Variants in DNAAF5 observed in about 807,000 individuals in gnomAD.
The protein encoded by DNAAF5 is dynein axonemal assembly factor 5, also known as HEAT repeat containing 2.
A neutral mutation model predicts 75.8 loss-of-function variants in DNAAF5; 64 were observed. That is an observed-to-expected ratio of 0.84 (90% CI 0.69 to 1.04). The LOEUF (loss-of-function observed/expected upper bound fraction) is 1.04, where lower values mean the gene tolerates loss of function less well. DNAAF5 is among the 50% of genes least tolerant of loss of function. DNAAF5 has a pLI of 0.00. For synonymous variants in DNAAF5, 657 were observed against 557.2 expected (o/e 1.18, Z -2.52); for missense variants, 1,269 against 1,178.5 (o/e 1.08, Z -1.12).
chr7:766,687 C>T (rs901179923), intron 8 of DNAAF5, among the ~76,000 whole-genome samples: 15 of 151,966 alleles, frequency 9.9e-5, no homozygotes, highest in African/African-American at 3.4e-4. Flanking sequence ...CATAACCGAG[C>T]AGCCTGCTCT....
chr7:749,162 G>A (rs1294735476), intron 4 of DNAAF5, among the ~76,000 whole-genome samples: 1 of 152,162 alleles, frequency 6.6e-6, no homozygotes, highest in East Asian at 1.9e-4. Flanking sequence ...CCTCAAGTCG[G>A]TCATTTCCCT....
At chr7:729,931 C>G (rs1562372296) in intron 2 of DNAAF5, 84 bp downstream of exon 2, 1 of 1,361,858 alleles carries the variant, frequency 7.3e-7, no homozygotes, top group South Asian at 1.3e-5. Context: ...CTCACTTGTT[C>G]TTTTTTCAGA....
intron 4 of DNAAF5, among the ~76,000 whole-genome samples, chr7:753,601 G>GTC (rs112033938): frequency 0.8 from 120,055 of 149,718 alleles, 48,240 homozygotes; most frequent in South Asian, 0.86. Flanking sequence ...TCACAGACGT[G>GTC]TCTCTCATCA....
intron 12 of DNAAF5, among the ~76,000 whole-genome samples, chr7:781,460 G>A (rs113089644): frequency 6.6e-6 from 1 of 151,812 alleles, no homozygotes; most frequent in Non-Finnish European, 1.5e-5. Flanking sequence ...CTTGGCTGTC[G>A]GAACAGTGGG....
At chr7:737,912 G>A (rs142380209) in intron 2 of DNAAF5, among the ~76,000 whole-genome samples, 15 of 152,314 alleles carry the variant, frequency 9.8e-5, no homozygotes, top group Non-Finnish European at 2.1e-4. Context: ...GTTAAATCTG[G>A]TTGGTGTTCT....
intron 12 of DNAAF5, among the ~76,000 whole-genome samples, chr7:780,823 TTTC>T (rs1473819190): frequency 6.0e-5 from 9 of 149,098 alleles, no homozygotes; most frequent in African/African-American, 1.2e-4. Context: ...TGCTTTTTTT[TTTC>T]TTTTTTTTTT....
chr7:749,189 T>A (rs541966139), intron 4 of DNAAF5, among the ~76,000 whole-genome samples: 1 of 152,296 alleles, frequency 6.6e-6, no homozygotes, highest in African/African-American at 2.4e-5. Flanking sequence ...AGTGCCCTTC[T>A]CACACGGAAG....
intron 5 of DNAAF5, 40 bp from the exon 6 acceptor site, chr7:756,742 C>T (rs371881200): frequency 7.5e-6 from 12 of 1,594,992 alleles, no homozygotes; most frequent in African/African-American, 4.0e-5. Context: ...CTGAGACCCT[C>T]GGGTTTGGCT....
chr7:782,130 C>T (rs1303579904), intron 12 of DNAAF5, among the ~76,000 whole-genome samples: 1 of 152,250 alleles, frequency 6.6e-6, no homozygotes, highest in African/African-American at 2.4e-5. Context: ...GGCCGCCTCC[C>T]GTCGCGCAGC....
intron 8 of DNAAF5, among the ~76,000 whole-genome samples, chr7:768,278 G>A (rs1375834562): frequency 6.6e-6 from 1 of 151,550 alleles, no homozygotes; most frequent in South Asian, 2.1e-4. Context: ...CGCTGGGAGG[G>A]GAGACACGTG....
chr7:764,201 G>A (rs1274740418), intron 8 of DNAAF5, among the ~76,000 whole-genome samples: 4 of 152,228 alleles, frequency 2.6e-5, no homozygotes, highest in Non-Finnish European at 5.9e-5. Flanking sequence ...CCGGGCACAC[G>A]CTTTCATGTG....
At chr7:739,116 ACCTGTTTGGGCTGGGGGCTGGCTGC>A (rs1781826131) in intron 2 of DNAAF5, among the ~76,000 whole-genome samples, 3 of 53,356 alleles carry the variant, frequency 5.6e-5, no homozygotes, top group Non-Finnish European at 1.2e-4. Context: ...ATCACTGTAT[ACCTGTTTGGGCTGGGGGCTGGCTGC>A]AGTCTGGCTT....
At chr7:731,910 G>A (rs1781598129) in intron 2 of DNAAF5, among the ~76,000 whole-genome samples, 1 of 152,104 alleles carries the variant, frequency 6.6e-6, no homozygotes. Flanking sequence ...GCTCCTTGCA[G>A]ACACCTCCAC....
At chr7:743,336 C>T (rs897725077) in intron 4 of DNAAF5, among the ~76,000 whole-genome samples, 6 of 151,952 alleles carry the variant, frequency 3.9e-5, no homozygotes, top group African/African-American at 1.5e-4. Context: ...GACCACACCC[C>T]TGCACTCCAG....
chr7:785,813 C>A lies in DNAAF5; in HGVS notation c.*160C>A. On this transcript the variant is annotated 3_prime_UTR_variant, in exon 13 of 13. Transcript: ENST00000297440. ...GCCCACTCTTTCCCTGGAATAACAGCCTCTGAGTGGATTCTGCATGTTATG... is the reference window on the plus strand; with the variant it reads ...GCCCACTCTTTCCCTGGAATAACAGACTCTGAGTGGATTCTGCATGTTATG... 1 of 721,442 alleles carries A rather than the reference C, an allele frequency of 1.4e-6. No individual in the cohort carries two copies. Among genetic ancestry groups the A allele is most frequent in the Non-Finnish European group, 2.2e-6 (1 of 452,492 alleles). The allele number at this position is 721,442 out of a possible 1,614,324, so 44.7% of individuals were successfully genotyped here. A position where few individuals can be genotyped will look rare whatever the true frequency, so the allele number is the denominator to read the frequency against.
At chr7:779,363 C>T (rs188384728) in intron 11 of DNAAF5, among the ~76,000 whole-genome samples, 211 of 152,302 alleles carry the variant, frequency 1.4e-3, no homozygotes, top group African/African-American at 4.8e-3. Flanking sequence ...TGCGAATTTC[C>T]GGATGCTGCA....
intron 2 of DNAAF5, among the ~76,000 whole-genome samples, chr7:738,692 G>C (rs1400141565): frequency 6.6e-6 from 1 of 152,186 alleles, no homozygotes; most frequent in Non-Finnish European, 1.5e-5. Flanking sequence ...ATGCTAATTG[G>C]AATTTGCAGG....
chr7:778,091 C>G (rs1220920345), intron 11 of DNAAF5: 2 of 152,362 alleles, frequency 1.3e-5, no homozygotes, highest in Middle Eastern at 6.8e-3. Context: ...GTCCGGGGGC[C>G]TTTGTCACTC....
rs1332509288 is a variant in DNAAF5, at chr7:726,954, G to A, written c.234G>A (p.Leu78=). 9.8e-6 allele frequency: 13 copies of A among 1,328,262 alleles called. No individual in the cohort carries two copies. The East Asian group carries it at 3.1e-4, about 31-fold the overall frequency. The allele number at this position is 1,328,262 out of a possible 1,614,324, so 82.3% of individuals were successfully genotyped here. A position where few individuals can be genotyped will look rare whatever the true frequency, so the allele number is the denominator to read the frequency against. ...AGGGCCCCTGGGCGCGCCTACTGCT[G>A]CCGCGCTTGCTGCGCTGCCTGAGCG... The part of the protein sequence containing the change: ...AFQGPWARLL[L]PRLLRCLSDP... The change falls in exon 1 of 13, where the codon CTG becomes CTA. Residue 78 remains leucine, a synonymous_variant. Transcript: ENST00000297440.
Sources: gnomAD v4.1 joint callset for allele counts (sites outside exome capture counted in the v4.1 genomes callset) on GRCh38, gnomAD v4.1.1 for gene constraint, MANE v1.5 for transcripts, NCBI Gene and HGNC (gene_info 2026-07-23, HGNC 2026-07-21) for gene names.